GNB4: variants seen among roughly 807,000 people sequenced by gnomAD.
The protein encoded by GNB4 is G protein subunit beta 4.
GNB4 carries 28 observed loss-of-function variants against 45.2 expected under a neutral mutation model. The ratio of observed to expected loss-of-function variants is 0.62; its 90% CI spans 0.46 to 0.85. The LOEUF is 0.85. Among genes scored for constraint, GNB4 ranks in the 40% least tolerant of loss-of-function variants. The pLI is 0.00. For missense variants in GNB4, 321 were observed against 425.4 expected (o/e 0.75, Z 2.16); for synonymous variants, 132 against 143.7 (o/e 0.92, Z 0.58).
In GNB4 at chr3:179,399,003, G is replaced by A. The variant is rs1714204250; in HGVS notation, c.*2210C>T. 6.6e-6 allele frequency: 1 copy of A among 152,084 alleles called. No homozygotes were observed. The highest frequency in any genetic ancestry group is 1.5e-5 in the Non-Finnish European group (1 of 68,022). The allele number at this position is 152,084 out of a possible 1,614,324, so 9.4% of individuals were successfully genotyped here. ...CTACTATAATAACTTTTAAGTAGAG[G>A]AGATACTCTCTTACATATTTAAGGT... On this transcript the variant is annotated 3_prime_UTR_variant, in exon 10 of 10. Transcript: ENST00000232564.
chr3:179,514,053 G>A, the GNB4 span, among the ~76,000 whole-genome samples: 1 of 152,220 alleles, frequency 6.6e-6, no homozygotes, highest in Non-Finnish European at 1.5e-5. Context: ...TGACAAGGAT[G>A]AATCAGAACT....
the GNB4 span, among the ~76,000 whole-genome samples, chr3:179,508,719 A>G: frequency 1.3e-5 from 2 of 151,968 alleles, no homozygotes; most frequent in Admixed American, 1.3e-4. Context: ...GAAAATAATT[A>G]CTTGAAGTCA....
chr3:179,440,842 C>T lies in GNB4; in HGVS notation c.-43+10504G>A, dbSNP rs79036159. 5.0e-3 allele frequency among the ~76,000 whole-genome samples: 749 copies of T among 150,298 alleles called. 17 individuals are homozygous for T. In the East Asian group the frequency reaches 0.059, roughly 12 times the overall value. On this transcript the variant is annotated intron_variant, in intron 1 of 9. Transcript: ENST00000232564. ...TAGTGTTGATATGTTTCTATTCTTT[C>T]GGTGTATTTTTTAAAAATTCCTATA... is the stretch of plus-strand genomic sequence containing the variant.
intron 1 of GNB4, among the ~76,000 whole-genome samples, chr3:179,428,393 T>C (rs1308652478): frequency 6.6e-6 from 1 of 152,162 alleles, no homozygotes; most frequent in East Asian, 1.9e-4. Flanking sequence ...ACTGGACAGA[T>C]TACAGCCGGT....
intron 9 of GNB4, 36 bp downstream of exon 9, chr3:179,405,154 T>G (rs766616477): frequency 3.2e-6 from 5 of 1,546,014 alleles, no homozygotes; most frequent in Non-Finnish European, 3.5e-6. Context: ...TCACGCTTCC[T>G]GAAAATCAGA....
At chr3:179,500,224 T>C in the GNB4 span, among the ~76,000 whole-genome samples, 2 of 152,232 alleles carry the variant, frequency 1.3e-5, no homozygotes, top group Non-Finnish European at 1.5e-5. Flanking sequence ...AGGTCTTACA[T>C]TTAAGTCTTT....
At chr3:179,523,487 G>C in the GNB4 span, among the ~76,000 whole-genome samples, 7 of 152,200 alleles carry the variant, frequency 4.6e-5, no homozygotes, top group Non-Finnish European at 7.3e-5. Context: ...TTGGCACCAC[G>C]GGGTGGATAG....
intron 1 of GNB4, among the ~76,000 whole-genome samples, chr3:179,445,286 T>C (rs1393198728): frequency 6.6e-6 from 1 of 152,116 alleles, no homozygotes; most frequent in African/African-American, 2.4e-5. Context: ...TACTTTTTTT[T>C]CCTTTCTTTC....
intron 4 of GNB4, among the ~76,000 whole-genome samples, chr3:179,418,810 C>CTGTA (rs1274106518): frequency 6.6e-6 from 1 of 152,266 alleles, no homozygotes; most frequent in East Asian, 1.9e-4. Flanking sequence ...ATAGGCTGTG[C>CTGTA]TGTAGCCTTA....
chr3:179,469,633 C>T, the GNB4 span, among the ~76,000 whole-genome samples: 3 of 152,048 alleles, frequency 2.0e-5, no homozygotes, highest in Non-Finnish European at 4.4e-5. Context: ...TTAAAAGGTC[C>T]TATGTAATTT....
the GNB4 span, among the ~76,000 whole-genome samples, chr3:179,473,323 T>C: frequency 6.6e-6 from 1 of 152,228 alleles, no homozygotes; most frequent in African/African-American, 2.4e-5. Context: ...GGAATAATTA[T>C]AGATTCACAG....
At chr3:179,443,853 C>G (rs961842782) in intron 1 of GNB4, among the ~76,000 whole-genome samples, 2 of 152,172 alleles carry the variant, frequency 1.3e-5, no homozygotes, top group Non-Finnish European at 2.9e-5. Context: ...TTCTCTACCC[C>G]ACCACTAATG....
At chr3:179,514,517 A>T in the GNB4 span, among the ~76,000 whole-genome samples, 1 of 152,170 alleles carries the variant, frequency 6.6e-6, no homozygotes, top group African/African-American at 2.4e-5. Context: ...TCCCCCAGCA[A>T]ATTCATATGT....
rs780957835 is a variant in GNB4, at chr3:179,405,424, A to C, written c.700-18T>G. 50 of 1,544,224 alleles carry C rather than the reference A, an allele frequency of 3.2e-5. 2 individuals carry two copies. In the Middle Eastern group the frequency reaches 5.1e-4, roughly 16 times the overall value. ...GGGAAAAACTAGACAGGAAAGTAAC[A>C]AACATTTATTCTACAGATGTATGCA... On this transcript the variant is annotated intron_variant, in intron 8 of 9. Coordinates refer to ENST00000232564, the MANE Select transcript of GNB4 (RefSeq NM_021629.4).
At chr3:179,473,484 G>T in the GNB4 span, among the ~76,000 whole-genome samples, 1 of 151,930 alleles carries the variant, frequency 6.6e-6, no homozygotes, top group South Asian at 2.1e-4. Flanking sequence ...CACCCAGGCT[G>T]GAGTGCAGTT....
At chr3:179,498,993 G>T in the GNB4 span, among the ~76,000 whole-genome samples, 1 of 151,636 alleles carries the variant, frequency 6.6e-6, no homozygotes, top group Non-Finnish European at 1.5e-5. Context: ...TTCAACTCCC[G>T]CTTATCAGTG....
the GNB4 span, among the ~76,000 whole-genome samples, chr3:179,480,959 T>C: frequency 4.6e-5 from 7 of 151,220 alleles, no homozygotes; most frequent in Admixed American, 4.6e-4. Context: ...TCACCCATTC[T>C]GCTGCCTCAG....
the GNB4 span, among the ~76,000 whole-genome samples, chr3:179,521,297 A>T: frequency 6.6e-6 from 1 of 152,128 alleles, no homozygotes; most frequent in African/African-American, 2.4e-5. Flanking sequence ...CAGCGAACTC[A>T]TGGTCTTTTA....
In GNB4 at chr3:179,396,521, A is replaced by G. The variant is rs1386107939; in HGVS notation, c.*4692T>C. On this transcript the variant is annotated 3_prime_UTR_variant, in exon 10 of 10. Transcript: ENST00000232564. The stretch of plus-strand genomic sequence containing the variant: ...AAAAGGCTTGAGATATCTACCAAGT[A>G]TATCACTGAAGTTCTATTAATTAAG... 1 of 151,340 alleles carries G rather than the reference A, an allele frequency of 6.6e-6. No individual in the cohort carries two copies. The highest frequency in any genetic ancestry group is 1.5e-5 in the Non-Finnish European group (1 of 68,042). The allele number at this position is 151,340 out of a possible 1,614,324, so 9.4% of individuals were successfully genotyped here.
Sources: allele counts gnomAD v4.1 joint callset (sites outside exome capture counted in the v4.1 genomes callset), GRCh38; gene constraint gnomAD v4.1.1; transcripts MANE v1.5; gene names NCBI Gene and HGNC (gene_info 2026-07-23, HGNC 2026-07-21).